The following TRARG1 variants were observed in gnomAD, a reference collection of about 807,000 sequenced individuals.
TRARG1 encodes trafficking regulator of GLUT4 (SLC2A4) 1 (gene/pseudogene).
A neutral mutation model predicts 13.3 loss-of-function variants in TRARG1; 16 were observed. The observed-to-expected ratio is 1.20, with a 90% CI of 0.81 to 1.83. TRARG1 has a LOEUF of 1.83. Ranked by LOEUF, TRARG1 falls within the 40% of genes most tolerant of loss-of-function variation. The pLI, the probability that TRARG1 is intolerant of heterozygous loss-of-function variation, is 0.00. For synonymous variants in TRARG1, 113 were observed against 106.2 expected, an observed-to-expected ratio of 1.06 and a Z score of -0.39; for missense variants, 250 against 237.4, an observed-to-expected ratio of 1.05 and a Z score of -0.35.
At chr17:1,287,671 AAGAC>A (rs2072034117) in intron 1 of TRARG1, among the ~76,000 whole-genome samples, 1 of 123,642 alleles carries the variant, frequency 8.1e-6, no homozygotes, top group African/African-American at 3.1e-5. Flanking sequence ...TGTTGTTTTT[AAGAC>A]AGAGTCTCGC....
Position 1,300,183 on chromosome 17 carries a change from C to T in TRARG1, c.*1919C>T, listed in dbSNP as rs1392892887. On this transcript the variant is annotated 3_prime_UTR_variant, in exon 3 of 3. Transcript: ENST00000333813. Reference sequence around the variant, plus strand: ...GGAGTATTTCTGTCCCTCGTGAAGTCACGTCACACAGGGGAGAGGCGAGGT... The same window carrying T: ...GGAGTATTTCTGTCCCTCGTGAAGTTACGTCACACAGGGGAGAGGCGAGGT... 1.3e-5 allele frequency: 2 copies of T among 152,252 alleles called. No homozygotes were observed. Among genetic ancestry groups the T allele is most frequent in the Non-Finnish European group, 2.9e-5 (2 of 68,080 alleles). The allele number at this position is 152,252 out of a possible 1,614,324, so 9.4% of individuals were successfully genotyped here. A position where few individuals can be genotyped will look rare whatever the true frequency, so the allele number is the denominator to read the frequency against.
At chr17:1,292,378 C>T (rs2072075294) in intron 1 of TRARG1, among the ~76,000 whole-genome samples, 1 of 152,148 alleles carries the variant, frequency 6.6e-6, no homozygotes, top group Admixed American at 6.6e-5. Flanking sequence ...TTTTGGAAAT[C>T]CGTATCCAGT....
At chr17:1,290,596 G>A (rs1232458811) in intron 1 of TRARG1, among the ~76,000 whole-genome samples, 1 of 152,072 alleles carries the variant, frequency 6.6e-6, no homozygotes, top group East Asian at 1.9e-4. Flanking sequence ...GCTCCTGGCC[G>A]AGGGTCCTTG....
At chr17:1,290,960 C>G (rs1010870167) in intron 1 of TRARG1, among the ~76,000 whole-genome samples, 1 of 150,044 alleles carries the variant, frequency 6.7e-6, no homozygotes, top group African/African-American at 2.5e-5. Context: ...GGCTGGAGGG[C>G]AGTGGCACAG....
At chr17:1,292,199 A>G (rs865822581) in intron 1 of TRARG1, among the ~76,000 whole-genome samples, 39 of 132,042 alleles carry the variant, frequency 3.0e-4, no homozygotes, top group Non-Finnish European at 2.3e-4. Flanking sequence ...CAAAACAAAC[A>G]AACAAAAAAA....
At position 1,279,984 on chromosome 17, in the gene TRARG1, C is replaced by A. The variant is rs373933185; in HGVS notation, c.-18C>A. 1.9e-6 allele frequency: 3 copies of A among 1,595,780 alleles called. No individual in the cohort carries two copies. The highest frequency in any genetic ancestry group is 2.2e-5 in the East Asian group (1 of 44,608). ...TTGTCCCAGCCTGGAGCTGCAGCCG[C>A]GCAAGGCCCAGGCCCCCATGGCCCA... On this transcript the variant is annotated 5_prime_UTR_variant, in exon 1 of 3. Coordinates refer to ENST00000333813, the MANE Select transcript of TRARG1 (RefSeq NM_172367.3).
At chr17:1,291,966 G>A (rs1337948766) in intron 1 of TRARG1, among the ~76,000 whole-genome samples, 1 of 152,154 alleles carries the variant, frequency 6.6e-6, no homozygotes, top group Non-Finnish European at 1.5e-5. Context: ...GAGGTCGGGA[G>A]TTCAAGACCA....
At chr17:1,286,250 T>G (rs9900341) in intron 1 of TRARG1, among the ~76,000 whole-genome samples, 2 of 151,948 alleles carry the variant, frequency 1.3e-5, no homozygotes, top group Admixed American at 1.3e-4. Context: ...ACTAGGGGCC[T>G]GGTGGCAGCA....
intron 1 of TRARG1, among the ~76,000 whole-genome samples, chr17:1,282,161 T>C (rs1351830301): frequency 1.4e-5 from 2 of 146,002 alleles, no homozygotes; most frequent in Non-Finnish European, 3.0e-5. Flanking sequence ...TACACGTGCA[T>C]ATATGTACGT....
intron 1 of TRARG1, among the ~76,000 whole-genome samples, chr17:1,283,638 C>T (rs1476413355): frequency 6.6e-6 from 1 of 151,522 alleles, no homozygotes; most frequent in African/African-American, 2.4e-5. Flanking sequence ...GCAACCCCAT[C>T]TCTACTAAAA....
At chr17:1,283,808 C>A (rs1288900251) in intron 1 of TRARG1, among the ~76,000 whole-genome samples, 4 of 147,234 alleles carry the variant, frequency 2.7e-5, no homozygotes, top group Admixed American at 1.4e-4. Flanking sequence ...GATTCTATCT[C>A]AAAAAAAATA....
chr17:1,282,043 T>A, intron 1 of TRARG1, among the ~76,000 whole-genome samples: 1 of 135,732 alleles, frequency 7.4e-6, no homozygotes, highest in East Asian at 2.3e-4. Flanking sequence ...TATACACACA[T>A]ATGTACACAT....
chr17:1,285,218 T>A (rs1262133179), intron 1 of TRARG1, among the ~76,000 whole-genome samples: 2 of 151,890 alleles, frequency 1.3e-5, no homozygotes, highest in African/African-American at 4.8e-5. Flanking sequence ...GAGACCAGCC[T>A]GGCTAACATG....
At chr17:1,294,468 C>CTT (rs542504095) in intron 1 of TRARG1, among the ~76,000 whole-genome samples, 1 of 113,442 alleles carries the variant, frequency 8.8e-6, no homozygotes, top group Non-Finnish European at 1.7e-5. Context: ...AAGACAGTGT[C>CTT]TTTTTTTTTT....
chr17:1,290,747 C>T (rs558155974), intron 1 of TRARG1, among the ~76,000 whole-genome samples: 2 of 152,226 alleles, frequency 1.3e-5, no homozygotes, highest in South Asian at 4.2e-4. Context: ...GGTGATATGG[C>T]TTGGCTGTGT....
chr17:1,286,053 G>C (rs999047366), intron 1 of TRARG1, among the ~76,000 whole-genome samples: 1 of 152,206 alleles, frequency 6.6e-6, no homozygotes, highest in Non-Finnish European at 1.5e-5. Context: ...TGATGGATGA[G>C]CTGAGGTCCT....
In TRARG1 at chr17:1,298,228, A is replaced by G. The variant is rs752056478; in HGVS notation, c.521-23A>G. On this transcript the variant is annotated intron_variant, in intron 2 of 2. Coordinates refer to ENST00000333813, the MANE Select transcript of TRARG1 (RefSeq NM_172367.3). ...CCAGTGTTCTGAGCCCTGTTCTGCC[A>G]TATCTGTTTTTTTTCTTTACAGTTC... 3.3e-5 allele frequency: 54 copies of G among 1,613,610 alleles called. No homozygotes were observed. The East Asian group carries it at 8.7e-4, about 26-fold the overall frequency.
At chr17:1,291,934 G>C (rs1338155440) in intron 1 of TRARG1, among the ~76,000 whole-genome samples, 1 of 152,244 alleles carries the variant, frequency 6.6e-6, no homozygotes, top group Non-Finnish European at 1.5e-5. Flanking sequence ...ATGTAGGCCA[G>C]GCGCGGTGGC....
intron 1 of TRARG1, among the ~76,000 whole-genome samples, chr17:1,288,614 A>C (rs1438594488): frequency 4.5e-5 from 1 of 22,022 alleles, no homozygotes; most frequent in Non-Finnish European, 7.7e-5. Context: ...CTCATCCCCC[A>C]CGGGTTCCCC....
Sources: gnomAD v4.1 joint callset for allele counts (sites outside exome capture counted in the v4.1 genomes callset) on GRCh38, gnomAD v4.1.1 for gene constraint, MANE v1.5 for transcripts, NCBI Gene and HGNC (gene_info 2026-07-23, HGNC 2026-07-21) for gene names.